SMARCB1: variants seen among roughly 807,000 people sequenced by gnomAD.
SMARCB1 encodes the protein SWI/SNF-related matrix-associated actin-dependent regulator of chromatin subfamily B member 1.
SMARCB1 carries 5 observed loss-of-function variants against 49.0 expected under a neutral mutation model. The observed-to-expected ratio is 0.10, with a 90% CI of 0.05 to 0.21. The LOEUF (loss-of-function observed/expected upper bound fraction) is 0.21. Among genes scored for constraint, SMARCB1 ranks in the 10% least tolerant of loss-of-function variants. SMARCB1 has a pLI of 1.00. For missense variants in SMARCB1, 226 were observed against 509.2 expected (o/e 0.44, Z 5.35); for synonymous variants, 201 against 200.1 (o/e 1.00, Z -0.04).
At chr22:23,806,852 A>C (rs894504333) in intron 5 of SMARCB1, among the ~76,000 whole-genome samples, 4 of 149,922 alleles carry the variant, frequency 2.7e-5, no homozygotes, top group Non-Finnish European at 5.9e-5. Context: ...CCTGGGAGGC[A>C]GAGGTTGCAG....
At chr22:23,806,986 T>C in intron 5 of SMARCB1, among the ~76,000 whole-genome samples, 1 of 151,380 alleles carries the variant, frequency 6.6e-6, no homozygotes, top group Non-Finnish European at 1.5e-5. Context: ...TGTGATGAGT[T>C]TGAGGTTATT....
At position 23,818,953 on chromosome 22, in the gene SMARCB1, G is replaced by A. The variant is rs1176808657; in HGVS notation, c.795+2017G>A. 2.6e-5 allele frequency among the ~76,000 whole-genome samples: 4 copies of A among 151,626 alleles called. No homozygotes were observed. The East Asian group carries it at 7.9e-4, about 30-fold the overall frequency. On this transcript the variant is annotated intron_variant, in intron 6 of 8. Transcript: ENST00000644036. Reference sequence around the variant, plus strand: ...CTTCCTGGGCTCAAGTGATCCACCCGGTGCAGCCTCCTGAGTAGCTGGGAA... The same window carrying A: ...CTTCCTGGGCTCAAGTGATCCACCCAGTGCAGCCTCCTGAGTAGCTGGGAA...
At chr22:23,792,703 G>C (rs1462703813) in intron 2 of SMARCB1, 1 of 154,752 alleles carries the variant, frequency 6.5e-6, no homozygotes, top group Non-Finnish European at 1.4e-5. Flanking sequence ...GGAAAGTAGT[G>C]GTTCTTTTAA....
At chr22:23,795,946 A>C (rs984533984) in intron 3 of SMARCB1, among the ~76,000 whole-genome samples, 13 of 151,572 alleles carry the variant, frequency 8.6e-5, no homozygotes, top group Admixed American at 2.0e-4. Context: ...ATGCACCACT[A>C]TGCCTGGCTA....
intron 1 of SMARCB1, among the ~76,000 whole-genome samples, chr22:23,788,676 A>C (rs1928170522): frequency 6.6e-6 from 1 of 152,088 alleles, no homozygotes; most frequent in Non-Finnish European, 1.5e-5. Flanking sequence ...AAAGTGCTGG[A>C]ATGACAGGTG....
At chr22:23,789,021 T>A (rs906007351) in intron 1 of SMARCB1, among the ~76,000 whole-genome samples, 2 of 152,166 alleles carry the variant, frequency 1.3e-5, no homozygotes, top group African/African-American at 4.8e-5. Context: ...GGCTAATTTT[T>A]ATATTTTTAG....
chr22:23,824,435 A>G (rs747483406), intron 6 of SMARCB1: 1 of 152,676 alleles, frequency 6.5e-6, no homozygotes, highest in African/African-American at 2.4e-5. Flanking sequence ...TGCAGAGTGA[A>G]TGAACCTGGA....
At chr22:23,810,609 T>A (rs150082167) in intron 5 of SMARCB1, among the ~76,000 whole-genome samples, 1 of 148,556 alleles carries the variant, frequency 6.7e-6, no homozygotes, top group Non-Finnish European at 1.5e-5. Flanking sequence ...AAAGAAAGCA[T>A]GATAAGAAAA....
chr22:23,825,499 C>G lies in SMARCB1; in HGVS notation c.986+84C>G, dbSNP rs981838241. 1.3e-5 allele frequency: 16 copies of G among 1,227,962 alleles called. No homozygotes were observed. The African/African-American group carries it at 2.1e-4, about 16-fold the overall frequency. 76.1% of individuals were successfully genotyped at this position (1,227,962 alleles called of 1,614,324 possible). On this transcript the variant is annotated intron_variant, in intron 7 of 8. Transcript: ENST00000644036. Reference sequence around the variant, plus strand: ...GACTTCTCTGTGTGAGCGGTGATACCTTTGAGGCTTTCTCACGCTTCGCAG... The same window carrying G: ...GACTTCTCTGTGTGAGCGGTGATACGTTTGAGGCTTTCTCACGCTTCGCAG...
At chr22:23,832,774 C>T (rs186968934) in intron 7 of SMARCB1, among the ~76,000 whole-genome samples, 4 of 152,338 alleles carry the variant, frequency 2.6e-5, no homozygotes, top group East Asian at 1.9e-4. Context: ...CCCAGAGAGG[C>T]GGCAGCCAGC....
chr22:23,807,024 T>C (rs1249593670), intron 5 of SMARCB1, among the ~76,000 whole-genome samples: 2 of 152,024 alleles, frequency 1.3e-5, no homozygotes, highest in African/African-American at 4.8e-5. Context: ...GAAGTAGTGC[T>C]TCTCTGAATC....
In SMARCB1 at chr22:23,834,572, T is replaced by TGGGGCC; in HGVS notation, c.*399_*404dup. The TGGGGCC allele has an allele frequency of 4.3e-6, 3 of 690,172 alleles. No individual in the cohort carries two copies. The highest frequency in any genetic ancestry group is 3.0e-5 in the South Asian group (2 of 66,656). The allele number at this position is 690,172 out of a possible 1,614,324, so 42.8% of individuals were successfully genotyped here. A position where few individuals can be genotyped will look rare whatever the true frequency, so the allele number is the denominator to read the frequency against. ...ACATAAAAATAATGAGAGCCAGGAG[T>TGGGGCC]GGGGCCGGGGCCTGGGGGGACGAAG... On this transcript the variant is annotated 3_prime_UTR_variant, in exon 9 of 9. Coordinates refer to ENST00000644036, the MANE Select transcript of SMARCB1 (RefSeq NM_003073.5).
chr22:23,806,919 CAAAAA>C (rs61000279), intron 5 of SMARCB1, among the ~76,000 whole-genome samples: 10 of 86,852 alleles, frequency 1.2e-4, no homozygotes, highest in African/African-American at 2.0e-4. Flanking sequence ...GACTCTATCT[CAAAAA>C]AAAAAAAAAA....
intron 1 of SMARCB1, among the ~76,000 whole-genome samples, chr22:23,789,501 G>A (rs1050115500): frequency 7.9e-5 from 12 of 152,204 alleles, no homozygotes; most frequent in African/African-American, 2.9e-4. Context: ...TGGGAGGCCT[G>A]GTTCCAGCCC....
At chr22:23,798,101 G>C (rs761962434) in intron 3 of SMARCB1, among the ~76,000 whole-genome samples, 1 of 152,156 alleles carries the variant, frequency 6.6e-6, no homozygotes, top group Non-Finnish European at 1.5e-5. Context: ...AGGCTCTAAC[G>C]TATCCAGTCA....
chr22:23,814,419 A>T (rs899952722), intron 5 of SMARCB1, among the ~76,000 whole-genome samples: 5 of 152,228 alleles, frequency 3.3e-5, no homozygotes, highest in Non-Finnish European at 7.3e-5. Context: ...TAATCCTAGC[A>T]CTTCGGGAGG....
chr22:23,814,098 G>T (rs762469986), intron 5 of SMARCB1, among the ~76,000 whole-genome samples: 7 of 152,110 alleles, frequency 4.6e-5, no homozygotes, highest in Non-Finnish European at 8.8e-5. Flanking sequence ...CCAAAGTGCT[G>T]GGATTACAGG....
At chr22:23,813,161 G>A (rs1403562182) in intron 5 of SMARCB1, among the ~76,000 whole-genome samples, 1 of 152,184 alleles carries the variant, frequency 6.6e-6, no homozygotes, top group African/African-American at 2.4e-5. Context: ...CACAGAGCCT[G>A]GCCTTCTGTT....
Position 23,816,639 on chromosome 22 carries a change from AC to A in SMARCB1, c.629-126del, listed in dbSNP as rs34737764. The A allele has an allele frequency of 0.13, 112,276 of 874,562 alleles. 8,568 individuals are homozygous for A. The highest frequency in any genetic ancestry group is 0.27 in the South Asian group (20,226 of 75,576). The allele number at this position is 874,562 out of a possible 1,614,324, so 54.2% of individuals were successfully genotyped here. A position where few individuals can be genotyped will look rare whatever the true frequency, so the allele number is the denominator to read the frequency against. On this transcript the variant is annotated intron_variant, in intron 5 of 8. Transcript: ENST00000644036. ...TCCACTCCCAGTTTCCAGGAAGGCC[AC>A]CCCCAGTGCCCTGGTTGTCCTCTCC...
Sources: allele counts gnomAD v4.1 joint callset (sites outside exome capture counted in the v4.1 genomes callset), GRCh38; gene constraint gnomAD v4.1.1; transcripts MANE v1.5; gene names NCBI Gene and HGNC (gene_info 2026-07-23, HGNC 2026-07-21).